HNF1A: variants seen among roughly 807,000 people sequenced by gnomAD.
The protein encoded by HNF1A is HNF1 homeobox A.
A neutral mutation model predicts 62.2 loss-of-function variants in HNF1A; 21 were observed. The observed-to-expected ratio is 0.34, with a 90% confidence interval of 0.24 to 0.49. HNF1A has a LOEUF of 0.49. Among genes scored for constraint, HNF1A ranks in the 20% least tolerant of loss-of-function variants. HNF1A has a pLI of 0.99. For synonymous variants in HNF1A, 374 were observed against 366.8 expected, an observed-to-expected ratio of 1.02 and a Z score of -0.22; for missense variants, 687 against 832.3, an observed-to-expected ratio of 0.83 and a Z score of 2.15.
Position 120,999,289 on chromosome 12 carries a change from A to C in HNF1A, c.1523A>C (p.Glu508Ala). The change falls in exon 8 of 10, where the codon GAG (glutamate) becomes GCG (alanine). Residue 508 changes from glutamate (E) to alanine (A), a missense_variant. Glu to Ala is a moderately radical substitution (Grantham distance 107). Transcript: ENST00000257555. ...SPHALYSHKP[E>A]VAQYTHTGLL... ...CCAGCCCTCTACAGCCACAAGCCCG[A>C]GGTGGCCCAGTACACCCACACGGGC... The C allele has an allele frequency of 6.2e-7, 1 of 1,613,934 alleles. No homozygotes were observed. Among genetic ancestry groups the C allele is most frequent in the Non-Finnish European group, 8.5e-7 (1 of 1,179,994 alleles).
chr12:120,986,552 T>C (rs1876518276), intron 1 of HNF1A, among the ~76,000 whole-genome samples: 1 of 152,152 alleles, frequency 6.6e-6, no homozygotes, highest in South Asian at 2.1e-4. Flanking sequence ...TGCTGCTGTA[T>C]TGAGCTGTAT....
intron 9 of HNF1A, 87 bp from the exon 10 acceptor site, chr12:121,000,978 T>C (rs1877422801): frequency 6.4e-7 from 1 of 1,566,086 alleles, no homozygotes; most frequent in Admixed American, 1.7e-5. Flanking sequence ...TGGCCCTGCC[T>C]CCCCATCCTG....
rs59729082 is a variant in HNF1A, at chr12:120,987,474, C to CAAA, written c.327-1343_327-1341dup. Among the ~76,000 whole-genome samples, 4 of 62,296 alleles carry CAAA rather than the reference C, an allele frequency of 6.4e-5. No individual in the cohort carries two copies. The East Asian group carries it at 1.8e-3, about 28-fold the overall frequency. 40.9% of individuals were successfully genotyped at this position (62,296 alleles called of 152,430 possible). A position where few individuals can be genotyped will look rare whatever the true frequency, so the allele number is the denominator to read the frequency against. ...TGGGTGACAGAGTGAGACTCCATCT[C>CAAA]AAAAAAAAAAAAAAAAAAGAAAAAG... On this transcript the variant is annotated intron_variant, in intron 1 of 9. Transcript: ENST00000257555.
chr12:120,991,662 A>G (rs572569411), intron 2 of HNF1A, among the ~76,000 whole-genome samples: 2 of 152,130 alleles, frequency 1.3e-5, no homozygotes, highest in South Asian at 4.1e-4. Context: ...CATGCATGCA[A>G]TAGACAACTC....
At chr12:120,988,799 T>C (rs1402107285) in intron 1 of HNF1A, 34 bp from the exon 2 acceptor site, 1 of 1,608,578 alleles carries the variant, frequency 6.2e-7, no homozygotes, top group South Asian at 1.1e-5. Context: ...GAGACAGCCC[T>C]TGCTGAGCAG....
At chr12:120,982,083 A>AT (rs141204117) in intron 1 of HNF1A, among the ~76,000 whole-genome samples, 6,211 of 151,940 alleles carry the variant, frequency 0.041, 154 homozygotes, top group South Asian at 0.094. Context: ...TGTTGTTGTT[A>AT]TTTTTGAGAC....
At chr12:120,993,794 G>A in intron 3 of HNF1A, 88 bp downstream of exon 3, 1 of 1,391,976 alleles carries the variant, frequency 7.2e-7, no homozygotes, top group Non-Finnish European at 1.0e-6. Flanking sequence ...TCCTGTAAAA[G>A]GCTGTCCAGT....
intron 1 of HNF1A, among the ~76,000 whole-genome samples, chr12:120,983,393 C>T (rs1314089635): frequency 6.6e-6 from 1 of 152,144 alleles, no homozygotes; most frequent in Non-Finnish European, 1.5e-5. Context: ...GGATTTACCC[C>T]ACGTTACAGG....
At chr12:120,989,143 G>T in intron 2 of HNF1A, 111 bp downstream of exon 2, 2 of 1,060,138 alleles carry the variant, frequency 1.9e-6, no homozygotes, top group Non-Finnish European at 2.8e-6. Flanking sequence ...CAGGTAGATG[G>T]AAAGGAAGTC....
rs370165488 is a variant in HNF1A, at chr12:120,996,230, G to A, written c.956-32G>A. The A allele has an allele frequency of 1.9e-5, 30 of 1,612,908 alleles. 1 individual carries two copies. The highest frequency in any genetic ancestry group is 3.3e-5 in the South Asian group (3 of 91,048). ...AGGCAGGGGAGGGCAGGGAAGTGGG[G>A]TGCTGAGGCAGGACACTGCTTCCCT... is the stretch of plus-strand genomic sequence containing the variant. On this transcript the variant is annotated intron_variant, in intron 4 of 9. Coordinates refer to ENST00000257555, the MANE Select transcript of HNF1A (RefSeq NM_000545.8). This position sits in a 1 kb window ranked among gnomAD's most constrained non-coding sequence, Gnocchi z 4.5.
intron 9 of HNF1A, among the ~76,000 whole-genome samples, 158 bp downstream of exon 9, chr12:120,999,785 C>G (rs1877335413): frequency 6.6e-6 from 1 of 152,102 alleles, no homozygotes. Context: ...GTGGGGTGGG[C>G]TTCCATGAAG....
chr12:120,984,001 G>T (rs1450751674), intron 1 of HNF1A, among the ~76,000 whole-genome samples: 1 of 151,916 alleles, frequency 6.6e-6, no homozygotes, highest in African/African-American at 2.4e-5. Flanking sequence ...TAGCAAGGGA[G>T]TGGGGGGTAG....
intron 1 of HNF1A, among the ~76,000 whole-genome samples, chr12:120,986,145 G>C (rs932009182): frequency 1.3e-5 from 2 of 152,100 alleles, no homozygotes; most frequent in Non-Finnish European, 2.9e-5. Context: ...AGTTCCTTGC[G>C]TGCCCTCCGG....
chr12:120,990,680 GAGGAAGGA>G (rs111314068), intron 2 of HNF1A, among the ~76,000 whole-genome samples: 63 of 147,880 alleles, frequency 4.3e-4, no homozygotes, highest in Middle Eastern at 3.5e-3. Flanking sequence ...GTAGGAAAGG[GAGGAAGGA>G]AGGAAGGAAG....
In HNF1A at chr12:120,993,686, G is replaced by A. The variant is rs145240086; in HGVS notation, c.693G>A (p.Thr231=). Residue 231 remains threonine (T), a synonymous_variant, in exon 3 of 10, where the codon ACG becomes ACA. Coordinates refer to ENST00000257555, the MANE Select transcript of HNF1A (RefSeq NM_000545.8). ...QKNPSKEERE[T]LVEECNRAEC... is the part of the protein sequence containing the mutation. ...ACCCTAGCAAGGAGGAGCGAGAGAC[G>A]CTAGTGGAGGAGTGCAATAGGTACA... is the stretch of plus-strand genomic sequence containing the variant. 214 of 1,614,000 alleles carry A rather than the reference G, an allele frequency of 1.3e-4. No homozygotes were observed. Among genetic ancestry groups the A allele is most frequent in the Admixed American group, 1.7e-4 (10 of 60,002 alleles).
intron 1 of HNF1A, among the ~76,000 whole-genome samples, chr12:120,982,715 T>G (rs773541174): frequency 6.6e-6 from 1 of 152,156 alleles, no homozygotes; most frequent in Non-Finnish European, 1.5e-5. Flanking sequence ...AAATTAAGGC[T>G]GAGAGAGGCA....
At chr12:120,981,251 G>A (rs979008040) in intron 1 of HNF1A, among the ~76,000 whole-genome samples, 13 of 152,208 alleles carry the variant, frequency 8.5e-5, no homozygotes, top group African/African-American at 3.1e-4. Context: ...AGTAGAAGCT[G>A]TTTCCCGGGA....
chr12:120,994,950 TTCCC>T (rs1257780975), intron 4 of HNF1A, among the ~76,000 whole-genome samples: 2 of 127,048 alleles, frequency 1.6e-5, no homozygotes, highest in Non-Finnish European at 3.3e-5. Context: ...ACTCCATCCA[TTCCC>T]TCCAACTTCA....
In HNF1A at chr12:120,997,502, G is replaced by A. The variant is rs2135847449; in HGVS notation, c.1338G>A (p.Val446=). The stretch of plus-strand genomic sequence containing the variant: ...TGGCCTCCACGCAGGCACAGAGTGT[G>A]CCGGTCATCAACAGCATGGGCAGCA... ...IGLASTQAQS[V]PVINSMGSSL... The change falls in exon 7 of 10, where the codon GTG becomes GTA. Residue 446 remains valine (V), a synonymous_variant. Transcript: ENST00000257555. 6.2e-7 allele frequency: 1 copy of A among 1,611,892 alleles called. No homozygotes were observed. The highest frequency in any genetic ancestry group is 2.2e-5 in the East Asian group (1 of 44,854).
Sources: gnomAD v4.1 joint callset for allele counts (sites outside exome capture counted in the v4.1 genomes callset) on GRCh38, gnomAD v4.1.1 for gene constraint, Gnocchi (gnomAD v3.1) non-coding constraint, MANE v1.5 for transcripts, NCBI Gene and HGNC (gene_info 2026-07-23, HGNC 2026-07-21) for gene names.